Variants in ITPR1 observed in about 807,000 individuals in gnomAD.
The protein encoded by ITPR1 is inositol 1,4,5-trisphosphate-gated calcium channel ITPR1.
A neutral mutation model predicts 318.4 loss-of-function variants in ITPR1; 96 were observed. The ratio of observed to expected loss-of-function variants is 0.30; its 90% CI spans 0.26 to 0.36. The LOEUF is 0.36. Among genes scored for constraint, ITPR1 ranks in the 10% least tolerant of loss-of-function variants. The pLI is 1.00. For missense variants in ITPR1, 2,440 were observed against 3,460.2 expected, an observed-to-expected ratio of 0.71 and a Z score of 7.40; for synonymous variants, 1,312 against 1,289.9, an observed-to-expected ratio of 1.02 and a Z score of -0.37.
intron 49 of ITPR1, among the ~76,000 whole-genome samples, chr3:4,781,908 G>A (rs1264337752): frequency 6.6e-6 from 1 of 152,152 alleles, no homozygotes; most frequent in South Asian, 2.1e-4. Context: ...ACTTGAGCCT[G>A]GGAGGTCAGG....
intron 40 of ITPR1, among the ~76,000 whole-genome samples, chr3:4,724,169 T>A (rs1413751533): frequency 1.3e-5 from 2 of 152,212 alleles, no homozygotes; most frequent in East Asian, 3.9e-4. Context: ...TTAGTGGAGT[T>A]GGACTCATGC....
chr3:4,761,227 AGGT>A, intron 44 of ITPR1, among the ~76,000 whole-genome samples: 1 of 152,256 alleles, frequency 6.6e-6, no homozygotes, highest in African/African-American at 2.4e-5. Context: ...GGGTTCACCC[AGGT>A]GGTGAACATT....
intron 33 of ITPR1, 85 bp from the exon 34 acceptor site, chr3:4,697,062 C>A: frequency 1.6e-6 from 2 of 1,225,394 alleles, no homozygotes; most frequent in African/African-American, 1.5e-5. Flanking sequence ...CCATTTTCAT[C>A]GGTCCTTGCT....
intron 44 of ITPR1, among the ~76,000 whole-genome samples, chr3:4,754,668 G>T (rs937337673): frequency 6.6e-6 from 1 of 152,172 alleles, no homozygotes; most frequent in South Asian, 2.1e-4. Flanking sequence ...TCCTTCCTGA[G>T]ATCTAACCAA....
In ITPR1 at chr3:4,693,709, C is replaced by T. The variant is rs1168676216; in HGVS notation, c.4249C>T (p.Arg1417Cys). The T allele has an allele frequency of 3.7e-6, 6 of 1,613,414 alleles. No homozygotes were observed. The highest frequency in any genetic ancestry group is 1.7e-5 in the Admixed American group (1 of 59,870). ...NSLLPLDDIV[R>C]VVTHEDCIPE... is the part of the protein sequence containing the mutation. Reference sequence around the variant, plus strand: ...CCTGCTCCCGCTGGATGACATCGTTCGCGTGGTGACCCACGAGGACTGCAT... The same window carrying T: ...CCTGCTCCCGCTGGATGACATCGTTTGCGTGGTGACCCACGAGGACTGCAT... The change falls in exon 33 of 62, where the codon CGC (arginine) becomes TGC (cysteine). Residue 1417 changes from arginine to cysteine, a missense_variant. By Grantham distance (180) the Arg-to-Cys change is radical. Transcript: ENST00000649015.
chr3:4,549,990 G>A (rs1463000193), intron 4 of ITPR1, among the ~76,000 whole-genome samples: 2 of 152,178 alleles, frequency 1.3e-5, no homozygotes, highest in Admixed American at 1.3e-4. Context: ...TTCTTCTTGA[G>A]ACAACCCTTC....
intron 4 of ITPR1, among the ~76,000 whole-genome samples, chr3:4,618,776 C>CA (rs2092483482): frequency 6.6e-6 from 1 of 152,330 alleles, no homozygotes; most frequent in African/African-American, 2.4e-5. Context: ...ACATGCCCTA[C>CA]ATGGTGTCAC....
chr3:4,716,694 A>T (rs1168163685), intron 39 of ITPR1, among the ~76,000 whole-genome samples: 1 of 152,240 alleles, frequency 6.6e-6, no homozygotes, highest in Non-Finnish European at 1.5e-5. Context: ...ATAAAAAATC[A>T]GTTGAGGATC....
At chr3:4,737,394 T>C (rs2043353900) in intron 44 of ITPR1, among the ~76,000 whole-genome samples, 1 of 152,016 alleles carries the variant, frequency 6.6e-6, no homozygotes, top group Non-Finnish European at 1.5e-5. Context: ...CTTTCAAGGA[T>C]GGACATGGGA....
At chr3:4,552,843 G>A (rs1021871284) in intron 4 of ITPR1, among the ~76,000 whole-genome samples, 2 of 152,172 alleles carry the variant, frequency 1.3e-5, no homozygotes, top group Non-Finnish European at 2.9e-5. Flanking sequence ...CAACTCATTA[G>A]CATGCAAAAG....
At position 4,826,525 on chromosome 3, in the gene ITPR1, G is replaced by T. The variant is rs770601565; in HGVS notation, c.8028+8283G>T. On this transcript the variant is annotated intron_variant, in intron 60 of 61. Transcript: ENST00000649015. This position sits in a 1 kb window ranked among gnomAD's most constrained non-coding sequence, Gnocchi z 4.2. ...CGGTGGCTGGAAACAGTGTGTCAGC[G>T]TCACTGGACTCGCCGCCCAGCCAGC... 1.3e-5 allele frequency among the ~76,000 whole-genome samples: 2 copies of T among 152,174 alleles called. No individual in the cohort carries two copies. Among genetic ancestry groups the T allele is most frequent in the Non-Finnish European group, 2.9e-5 (2 of 68,032 alleles).
rs759593623 is a variant in ITPR1 at position 4,692,153 on chromosome 3, AT to A, written c.4029+810del. Among the ~76,000 whole-genome samples, 183 of 145,340 alleles carry A rather than the reference AT, an allele frequency of 1.3e-3. 2 individuals are homozygous for A. The highest frequency in any genetic ancestry group is 4.1e-3 in the African/African-American group (165 of 40,036). ...TGAGACGTTGTCTCTTAGAAAAAAA[AT>A]AAAAAAAAGAGAGAGTCGGCTCAAC... is the stretch of plus-strand genomic sequence containing the variant. On this transcript the variant is annotated intron_variant, in intron 32 of 61. Transcript: ENST00000649015.
At chr3:4,518,985 G>C (rs1319694121) in intron 3 of ITPR1, among the ~76,000 whole-genome samples, 4 of 152,146 alleles carry the variant, frequency 2.6e-5, no homozygotes, top group African/African-American at 9.7e-5. Context: ...AAGCTGGGTT[G>C]ACAGAGTCCT....
chr3:4,683,321 C>T (rs2094334386), intron 26 of ITPR1, 65 bp from the exon 27 acceptor site: 1 of 1,560,848 alleles, frequency 6.4e-7, no homozygotes. Flanking sequence ...TGCATCTGGG[C>T]CCAAGGGGCG....
At chr3:4,739,494 T>C (rs2043541876) in intron 44 of ITPR1, among the ~76,000 whole-genome samples, 1 of 152,170 alleles carries the variant, frequency 6.6e-6, no homozygotes, top group Non-Finnish European at 1.5e-5. Context: ...CGGTTCTGCA[T>C]CTGTGGATTC....
At chr3:4,623,817 G>A (rs1258192507) in intron 4 of ITPR1, among the ~76,000 whole-genome samples, 1 of 152,166 alleles carries the variant, frequency 6.6e-6, no homozygotes, top group Non-Finnish European at 1.5e-5. Context: ...TCTGTTACTA[G>A]TATGTTAGCA....
intron 32 of ITPR1, among the ~76,000 whole-genome samples, chr3:4,692,181 T>G (rs2094491034): frequency 6.6e-6 from 1 of 150,470 alleles, no homozygotes; most frequent in Non-Finnish European, 1.5e-5. Context: ...CGGCTCAACC[T>G]GGGATACAAA....
At chr3:4,510,106 C>G (rs982033224) in intron 2 of ITPR1, among the ~76,000 whole-genome samples, 14 of 152,242 alleles carry the variant, frequency 9.2e-5, no homozygotes, top group African/African-American at 3.4e-4. Flanking sequence ...AGACATCAAA[C>G]TGGGGCTGTG....
At position 4,775,298 on chromosome 3, in the gene ITPR1, G is replaced by A; in HGVS notation, c.6036G>A (p.Leu2012=). The A allele has an allele frequency of 6.2e-7, 1 of 1,614,100 alleles. No individual in the cohort carries two copies. The highest frequency in any genetic ancestry group is 1.1e-5 in the South Asian group (1 of 91,082). Residue 2012 remains leucine (L), a synonymous_variant, in exon 47 of 62, where the codon CTG becomes CTA. Transcript: ENST00000649015. ...ACTACAATTTGGTATGTGAGACCCT[G>A]CAGTTTCTGGACTGTATTTGTGGAA... ...KTNYNLVCET[L]QFLDCICGST...
Sources: gnomAD v4.1 joint callset for allele counts (sites outside exome capture counted in the v4.1 genomes callset) on GRCh38, gnomAD v4.1.1 for gene constraint, Gnocchi (gnomAD v3.1) non-coding constraint, MANE v1.5 for transcripts, NCBI Gene and HGNC (gene_info 2026-07-23, HGNC 2026-07-21) for gene names.